The following KLHL30 variants were observed in gnomAD, a reference collection of about 807,000 sequenced individuals.
KLHL30 encodes kelch like family member 30.
KLHL30 carries 55 observed loss-of-function variants against 55.0 expected under a neutral mutation model. The ratio of observed to expected loss-of-function variants is 1.00; its 90% CI spans 0.80 to 1.25. KLHL30 has a LOEUF of 1.25. KLHL30 is among the 50% of genes most tolerant of loss of function. The pLI, the probability that KLHL30 is intolerant of heterozygous loss-of-function variation, is 0.00. For missense variants in KLHL30, 786 were observed against 811.6 expected (o/e 0.97, Z 0.38); for synonymous variants, 356 against 372.6 (o/e 0.96, Z 0.51).
At chr2:238,146,286 AG>A in intron 5 of KLHL30, among the ~76,000 whole-genome samples, 1 of 151,738 alleles carries the variant, frequency 6.6e-6, no homozygotes, top group Admixed American at 6.6e-5. Context: ...GGGCCAAGGC[AG>A]GAGGACTGCT....
At chr2:238,142,033 C>T (rs1692552327) in intron 2 of KLHL30, among the ~76,000 whole-genome samples, 3 of 152,208 alleles carry the variant, frequency 2.0e-5, no homozygotes, top group Non-Finnish European at 2.9e-5. Context: ...GGCAGTCCGC[C>T]TGAGCTTTTA....
In KLHL30 at chr2:238,144,418, G is replaced by GGAAGGAAT. The variant is rs1559275944; in HGVS notation, c.908-477_908-476insTGAAGGAA. Among the ~76,000 whole-genome samples the GGAAGGAAT allele has an allele frequency of 9.3e-3, 1,092 of 116,810 alleles. 9 individuals carry two copies. The highest frequency in any genetic ancestry group is 0.021 in the East Asian group (85 of 4,050). The allele number at this position is 116,810 out of a possible 152,430, so 76.6% of individuals were successfully genotyped here. A position where few individuals can be genotyped will look rare whatever the true frequency, so the allele number is the denominator to read the frequency against. Reference sequence around the variant, plus strand: ...AGGAAGGAAGGAAGGAAGGAAGGAAGGAAGGAAGGAAGGAAGGCAGGCAGG... The same window carrying GGAAGGAAT: ...AGGAAGGAAGGAAGGAAGGAAGGAAGGAAGGAATGAAGGAAGGAAGGAAGGCAGGCAGG... On this transcript the variant is annotated intron_variant, in intron 3 of 7. Coordinates refer to ENST00000409223, the MANE Select transcript of KLHL30 (RefSeq NM_198582.4).
chr2:238,150,738 C>G, intron 7 of KLHL30, 76 bp from the exon 8 acceptor site: 2 of 1,487,136 alleles, frequency 1.3e-6, no homozygotes, highest in Non-Finnish European at 1.8e-6. Context: ...GCCACTCCCC[C>G]GACCCTGCTG....
In KLHL30 at chr2:238,151,142, G is replaced by T. The variant is rs563523991; in HGVS notation, c.*77G>T. On this transcript the variant is annotated 3_prime_UTR_variant, in exon 8 of 8. Transcript: ENST00000409223. ...CTGTGGAACGGCCCCTTTCATTTTC[G>T]CTTATTTGTTCACTCGGAGCTACCA... The T allele has an allele frequency of 6.7e-7, 1 of 1,497,772 alleles. No individual in the cohort carries two copies. The highest frequency in any genetic ancestry group is 2.1e-5 in the Admixed American group (1 of 47,382). 92.8% of individuals were successfully genotyped at this position (1,497,772 alleles called of 1,614,324 possible). A position where few individuals can be genotyped will look rare whatever the true frequency, so the allele number is the denominator to read the frequency against.
chr2:238,145,741 G>A lies in KLHL30; in HGVS notation c.1059G>A (p.Lys353=). 6.3e-7 allele frequency: 1 copy of A among 1,599,222 alleles called. No individual in the cohort carries two copies. Among genetic ancestry groups the A allele is most frequent in the Non-Finnish European group, 8.5e-7 (1 of 1,174,168 alleles). ...CCCAGGCCTGGTGCTTCCCCCTGAA[G>A]GAGGCCTCCTGGAAGCCCGTGGCGC... ...STTQAWCFPL[K]EASWKPVAPM... The change falls in exon 5 of 8, where the codon AAG becomes AAA. Residue 353 remains lysine, a synonymous_variant. Coordinates refer to ENST00000409223, the MANE Select transcript of KLHL30 (RefSeq NM_198582.4).
At chr2:238,150,497 G>T (rs978922144) in intron 7 of KLHL30, among the ~76,000 whole-genome samples, 1 of 152,164 alleles carries the variant, frequency 6.6e-6, no homozygotes. Flanking sequence ...GTGAGACAGC[G>T]AAGCCTCAGT....
chr2:238,143,907 G>A (rs1339602739), intron 3 of KLHL30, among the ~76,000 whole-genome samples: 1 of 152,204 alleles, frequency 6.6e-6, no homozygotes, highest in Non-Finnish European at 1.5e-5. Flanking sequence ...GGGAGGCCTG[G>A]AATTCCGCAT....
Position 238,148,998 on chromosome 2 carries a change from C to T in KLHL30, c.1340-9C>T. The T allele has an allele frequency of 6.3e-7, 1 of 1,583,956 alleles. No individual in the cohort carries two copies. Among genetic ancestry groups the T allele is most frequent in the Non-Finnish European group, 8.6e-7 (1 of 1,165,422 alleles). On this transcript the variant is annotated splice_polypyrimidine_tract_variant and intron_variant, in intron 6 of 7. Transcript: ENST00000409223. ...TGGTGACGGTGGCCAGTGCCCGTGCCCCCCACAGATGCGTGGAGTGTGATC... is the reference window on the plus strand; with the variant it reads ...TGGTGACGGTGGCCAGTGCCCGTGCTCCCCACAGATGCGTGGAGTGTGATC...
In KLHL30 at chr2:238,140,864, T is replaced by A. The variant is rs778271381; in HGVS notation, c.110T>A (p.Leu37Gln). The A allele has an allele frequency of 6.2e-7, 1 of 1,611,102 alleles. No individual in the cohort carries two copies. Among genetic ancestry groups the A allele is most frequent in the South Asian group, 1.1e-5 (1 of 90,990 alleles). ...CAGCCCAAGCTGGCCGACGTCACAC[T>A]GCTGGTGGGCGGCCGGGAGCTGCCA... Reference protein sequence around the residue: ...RSQPKLADVTLLVGGRELPCH... With the variant: ...RSQPKLADVTQLVGGRELPCH... The change falls in exon 2 of 8, where the codon CTG becomes CAG. Residue 37 changes from leucine to glutamine, a missense_variant. Physicochemically the swap from Leu to Gln is moderately radical, Grantham distance 113 (BLOSUM62 -2). Transcript: ENST00000409223.
At position 238,149,060 on chromosome 2, in the gene KLHL30, C is replaced by T. The variant is rs757760060; in HGVS notation, c.1393C>T (p.Arg465Cys). ...CCTGCCCAAGTACCTGTCCTCGCCT[C>T]GCTGTGCTGCACTGCACGGGGAGCT... Reference protein sequence around the residue: ...PFLPKYLSSPRCAALHGELYL... With the variant: ...PFLPKYLSSPCCAALHGELYL... The change falls in exon 7 of 8, where the codon CGC becomes TGC. Residue 465 changes from arginine to cysteine, a missense_variant. Physicochemically the swap from Arg to Cys is radical, Grantham distance 180 (BLOSUM62 -3). Coordinates refer to ENST00000409223, the MANE Select transcript of KLHL30 (RefSeq NM_198582.4). 14 of 1,613,264 alleles carry T rather than the reference C, an allele frequency of 8.7e-6. No homozygotes were observed. Among genetic ancestry groups the T allele is most frequent in the East Asian group, 2.2e-5 (1 of 44,882 alleles).
Position 238,140,671 on chromosome 2 carries a change from C to T in KLHL30, c.-70-14C>T, listed in dbSNP as rs1231337779. The T allele has an allele frequency of 7.1e-7, 1 of 1,406,054 alleles. No individual in the cohort carries two copies. Among genetic ancestry groups the T allele is most frequent in the African/African-American group, 1.4e-5 (1 of 68,968 alleles). The allele number at this position is 1,406,054 out of a possible 1,614,324, so 87.1% of individuals were successfully genotyped here. A position where few individuals can be genotyped will look rare whatever the true frequency, so the allele number is the denominator to read the frequency against. On this transcript the variant is annotated splice_polypyrimidine_tract_variant and intron_variant, in intron 1 of 7. Transcript: ENST00000409223. Reference sequence around the variant, plus strand: ...CCATCCCCACTTGGCTGACCCTGCTCTCTTCTCTCCTAGGAGCTCGGGCGG... The same window carrying T: ...CCATCCCCACTTGGCTGACCCTGCTTTCTTCTCTCCTAGGAGCTCGGGCGG...
Position 238,141,190 on chromosome 2 carries a change from G to T in KLHL30, c.436G>T (p.Gly146Trp). The T allele has an allele frequency of 6.2e-7, 1 of 1,611,644 alleles. No individual in the cohort carries two copies. ...CATCTGTGAGTTCGGGGAGCAGCAA[G>T]GGCTGCTGGGCGTGGCTGCCAAGGC... is the stretch of plus-strand genomic sequence containing the variant. ...LGICEFGEQQ[G>W]LLGVAAKAWA... The change falls in exon 2 of 8, where the codon GGG becomes TGG. Residue 146 changes from glycine (G) to tryptophan (W), a missense_variant. Transcript: ENST00000409223.
Position 238,143,513 on chromosome 2 carries a change from C to T in KLHL30, c.907+582C>T, listed in dbSNP as rs138718018. Among the ~76,000 whole-genome samples the T allele has an allele frequency of 2.4e-3, 366 of 152,368 alleles. 3 individuals carry two copies. Among genetic ancestry groups the T allele is most frequent in the Non-Finnish European group, 3.8e-3 (260 of 68,032 alleles). On this transcript the variant is annotated intron_variant, in intron 3 of 7. Coordinates refer to ENST00000409223, the MANE Select transcript of KLHL30 (RefSeq NM_198582.4). ...GGAGCCCTGAAGTGGGCACTGAGGC[C>T]AGGTCTGCCATTTGGCGGGAAAGGA...
rs751672002 is a variant in KLHL30 at position 238,141,202 on chromosome 2, G to A, written c.448G>A (p.Val150Met). The change falls in exon 2 of 8, where the codon GTG becomes ATG. Residue 150 changes from valine to methionine, a missense_variant. Val to Met is a conservative substitution (Grantham distance 21). Coordinates refer to ENST00000409223, the MANE Select transcript of KLHL30 (RefSeq NM_198582.4). ...EFGEQQGLLG[V>M]AAKAWAFLRE... is the part of the protein sequence containing the mutation. Reference sequence around the variant, plus strand: ...CGGGGAGCAGCAAGGGCTGCTGGGCGTGGCTGCCAAGGCCTGGGCCTTCCT... The same window carrying A: ...CGGGGAGCAGCAAGGGCTGCTGGGCATGGCTGCCAAGGCCTGGGCCTTCCT... 2.9e-5 allele frequency: 46 copies of A among 1,611,166 alleles called. No individual in the cohort carries two copies. Among genetic ancestry groups the A allele is most frequent in the Admixed American group, 1.8e-4 (11 of 59,964 alleles).
At chr2:238,139,723 T>C (rs1276100411) in intron 1 of KLHL30, among the ~76,000 whole-genome samples, 2 of 152,100 alleles carry the variant, frequency 1.3e-5, no homozygotes, top group Non-Finnish European at 2.9e-5. Flanking sequence ...CGCGGCCGCC[T>C]CTCCTGCCCG....
chr2:238,141,984 G>A (rs1034751560), intron 2 of KLHL30, among the ~76,000 whole-genome samples: 10 of 152,238 alleles, frequency 6.6e-5, no homozygotes, highest in African/African-American at 2.4e-4. Flanking sequence ...CAGGAAGGAG[G>A]TGCAGCTTGT....
At chr2:238,144,500 T>A (rs937860812) in intron 3 of KLHL30, among the ~76,000 whole-genome samples, 1 of 149,218 alleles carries the variant, frequency 6.7e-6, no homozygotes, top group Non-Finnish European at 1.5e-5. Context: ...GTTGGTGTTA[T>A]CACCCACTAG....
chr2:238,150,961 C>T lies in KLHL30; in HGVS notation c.1633C>T (p.Arg545Cys), dbSNP rs575529473. 2.3e-5 allele frequency: 37 copies of T among 1,588,744 alleles called. No homozygotes were observed. The highest frequency in any genetic ancestry group is 1.7e-4 in the Middle Eastern group (1 of 6,010). ...CGACACGGTTCGGGACACCTGGACC[C>T]GCCACGGCGCCCTGCCCCGGCTCTG... Reference protein sequence around the residue: ...AYDTVRDTWTRHGALPRLWLY... With the variant: ...AYDTVRDTWTCHGALPRLWLY... The change falls in exon 8 of 8, where the codon CGC becomes TGC. Residue 545 changes from arginine (R) to cysteine (C), a missense_variant. By Grantham distance (180) the Arg-to-Cys change is radical. Transcript: ENST00000409223.
Position 238,151,237 on chromosome 2 carries a change from C to T in KLHL30, c.*172C>T, listed in dbSNP as rs1457351201. 4 of 896,838 alleles carry T rather than the reference C, an allele frequency of 4.5e-6. No homozygotes were observed. In the East Asian group the frequency reaches 8.0e-5, roughly 18 times the overall value. The allele number at this position is 896,838 out of a possible 1,614,324, so 55.6% of individuals were successfully genotyped here. A position where few individuals can be genotyped will look rare whatever the true frequency, so the allele number is the denominator to read the frequency against. On this transcript the variant is annotated 3_prime_UTR_variant, in exon 8 of 8. Coordinates refer to ENST00000409223, the MANE Select transcript of KLHL30 (RefSeq NM_198582.4). ...ATGGCTTGGAGGACACAGCCTTGGT[C>T]TCTGTGGCCACCACACTAAACTCTG...
Sources: allele counts gnomAD v4.1 joint callset (sites outside exome capture counted in the v4.1 genomes callset), GRCh38; gene constraint gnomAD v4.1.1; transcripts MANE v1.5; gene names NCBI Gene and HGNC (gene_info 2026-07-23, HGNC 2026-07-21).